LPP: variants seen among roughly 807,000 people sequenced by gnomAD.
LPP encodes LIM domain containing preferred translocation partner in lipoma.
Under a neutral mutation model 60.4 loss-of-function variants are expected in LPP, and 38 were observed. The observed-to-expected ratio is 0.63, with a 90% CI of 0.49 to 0.83. The LOEUF (loss-of-function observed/expected upper bound fraction) is 0.83. LPP is among the 40% of genes least tolerant of loss of function. The pLI, the probability that LPP is intolerant of heterozygous loss-of-function variation, is 0.00. For missense variants in LPP, 902 were observed against 783.6 expected, an observed-to-expected ratio of 1.15 and a Z score of -1.80; for synonymous variants, 328 against 290.8, an observed-to-expected ratio of 1.13 and a Z score of -1.30.
chr3:188,217,293 G>A lies in LPP; in HGVS notation c.-189-8112G>A, dbSNP rs912537512. Reference sequence around the variant, plus strand: ...TGGAGACGGTCAATGCAAAGGTCAAGGCTGTGAAGTGGGAAGGAGTTTGTG... The same window carrying A: ...TGGAGACGGTCAATGCAAAGGTCAAAGCTGTGAAGTGGGAAGGAGTTTGTG... On this transcript the variant is annotated intron_variant, in intron 1 of 11. Coordinates refer to ENST00000617246, the MANE Select transcript of LPP (RefSeq NM_001375462.1). The surrounding 1 kb of genome is among the most constrained non-coding windows in gnomAD (Gnocchi z 4.0). Among the ~76,000 whole-genome samples, 8 of 152,188 alleles carry A rather than the reference G, an allele frequency of 5.3e-5. No homozygotes were observed. Among genetic ancestry groups the A allele is most frequent in the African/African-American group, 1.9e-4 (8 of 41,440 alleles).
intron 2 of LPP, among the ~76,000 whole-genome samples, chr3:188,329,370 A>T (rs1221155934): frequency 6.6e-6 from 1 of 152,210 alleles, no homozygotes; most frequent in African/African-American, 2.4e-5. Context: ...GGTGATGACA[A>T]ATATATATAG....
chr3:188,478,826 G>T (rs1206258579), intron 4 of LPP, among the ~76,000 whole-genome samples: 1 of 152,030 alleles, frequency 6.6e-6, no homozygotes, highest in Non-Finnish European at 1.5e-5. Context: ...CTCCATCTCG[G>T]CTCACTGCAA....
chr3:188,406,342 C>T, intron 4 of LPP, 29 bp downstream of exon 4: 1 of 1,591,222 alleles, frequency 6.3e-7, no homozygotes, highest in Non-Finnish European at 8.6e-7. Context: ...GAGTTGGTTA[C>T]TTGGAGTAGG....
At chr3:188,397,439 C>A (rs1781212008) in intron 3 of LPP, among the ~76,000 whole-genome samples, 1 of 152,096 alleles carries the variant, frequency 6.6e-6, no homozygotes, top group Admixed American at 6.5e-5. Flanking sequence ...GAAACTGTGG[C>A]AAACTAAAGG....
chr3:188,691,985 C>A (rs941979890), intron 7 of LPP, among the ~76,000 whole-genome samples: 19 of 152,018 alleles, frequency 1.2e-4, no homozygotes, highest in South Asian at 8.3e-4. Context: ...AAAAAAAAAA[C>A]CACTTTTCAT....
intron 7 of LPP, among the ~76,000 whole-genome samples, chr3:188,656,234 A>G (rs1853182397): frequency 6.6e-6 from 1 of 151,856 alleles, no homozygotes; most frequent in Admixed American, 6.6e-5. Flanking sequence ...GATTTTAGAA[A>G]GAAGGTCTGT....
intron 2 of LPP, among the ~76,000 whole-genome samples, chr3:188,239,182 GC>G (rs1472958154): frequency 9.2e-5 from 14 of 152,198 alleles, no homozygotes; most frequent in African/African-American, 3.4e-4. Context: ...CCGTTTCTCT[GC>G]CCCTGCGGCA....
intron 3 of LPP, among the ~76,000 whole-genome samples, chr3:188,382,453 C>A (rs1369270001): frequency 6.6e-6 from 1 of 152,196 alleles, no homozygotes; most frequent in Non-Finnish European, 1.5e-5. Flanking sequence ...CCCTGTCTCT[C>A]TCACAGAATT....
chr3:188,686,535 C>T (rs1030489555), intron 7 of LPP, among the ~76,000 whole-genome samples: 1 of 152,180 alleles, frequency 6.6e-6, no homozygotes, highest in African/African-American at 2.4e-5. Flanking sequence ...GTTTAACTTG[C>T]AGTTCTTATC....
chr3:188,467,302 T>C (rs759020479), intron 4 of LPP, among the ~76,000 whole-genome samples: 1 of 152,050 alleles, frequency 6.6e-6, no homozygotes, highest in Non-Finnish European at 1.5e-5. Flanking sequence ...TTTAAATTTT[T>C]TAAAAATATG....
chr3:188,641,205 G>T (rs1328841797), intron 7 of LPP, among the ~76,000 whole-genome samples: 1 of 152,248 alleles, frequency 6.6e-6, no homozygotes, highest in African/African-American at 2.4e-5. Context: ...TGCAGTCTGT[G>T]TGACCTGTTT....
At chr3:188,234,315 G>A (rs536197859) in intron 2 of LPP, among the ~76,000 whole-genome samples, 156 of 152,248 alleles carry the variant, frequency 1.0e-3, no homozygotes, top group African/African-American at 3.6e-3. Context: ...TGAGGAATGA[G>A]TGGTTTGGAT....
chr3:188,335,880 T>TA (rs1761490160), intron 2 of LPP, among the ~76,000 whole-genome samples: 1 of 152,104 alleles, frequency 6.6e-6, no homozygotes, highest in African/African-American at 2.4e-5. Context: ...GTGGTTTTCA[T>TA]AAAAAAAGAC....
chr3:188,854,883 C>T (rs111527085), intron 9 of LPP, among the ~76,000 whole-genome samples: 1 of 152,136 alleles, frequency 6.6e-6, no homozygotes, highest in African/African-American at 2.4e-5. Flanking sequence ...CTGAAGGGAA[C>T]CAACATGTGA....
chr3:188,179,388 G>T (rs1014895865), intron 1 of LPP: 1 of 457,940 alleles, frequency 2.2e-6, no homozygotes, highest in Admixed American at 2.3e-5. Flanking sequence ...TTCCCGCCTT[G>T]TTCCCATTGC....
At chr3:188,759,036 T>C (rs895229860) in intron 8 of LPP, among the ~76,000 whole-genome samples, 1 of 152,200 alleles carries the variant, frequency 6.6e-6, no homozygotes, top group Non-Finnish European at 1.5e-5. Context: ...CTATAATTAT[T>C]AGATAGAATT....
At chr3:188,406,363 T>C (rs1164835893) in intron 4 of LPP, 50 bp downstream of exon 4, 1 of 1,503,324 alleles carries the variant, frequency 6.7e-7, no homozygotes, top group East Asian at 2.3e-5. Context: ...AAAATTCAGT[T>C]ATATAGGTGA....
intron 6 of LPP, among the ~76,000 whole-genome samples, chr3:188,588,948 C>G: frequency 6.6e-6 from 1 of 152,034 alleles, no homozygotes; most frequent in Non-Finnish European, 1.5e-5. Flanking sequence ...TCTTACTTAG[C>G]ATTTGCAACT....
intron 4 of LPP, among the ~76,000 whole-genome samples, chr3:188,442,854 C>T (rs144635803): frequency 6.6e-6 from 1 of 152,178 alleles, no homozygotes; most frequent in African/African-American, 2.4e-5. Flanking sequence ...TTGAGAATGT[C>T]AGCTGGCTCT....
Sources: allele counts gnomAD v4.1 joint callset (sites outside exome capture counted in the v4.1 genomes callset), GRCh38; gene constraint gnomAD v4.1.1; non-coding constraint Gnocchi (gnomAD v3.1); transcripts MANE v1.5; gene names NCBI Gene and HGNC (gene_info 2026-07-23, HGNC 2026-07-21).